The following BDKRB2 variants were observed in gnomAD, a reference collection of about 807,000 sequenced individuals.
The protein encoded by BDKRB2 is B2 bradykinin receptor.
BDKRB2 carries 6 observed loss-of-function variants against 4.0 expected under a neutral mutation model. The observed-to-expected ratio is 1.49, with a 90% confidence interval of 0.81 to 2.93. The LOEUF (loss-of-function observed/expected upper bound fraction) is 2.93. Among genes scored for constraint, BDKRB2 ranks in the 30% most tolerant of loss-of-function variants. The pLI is 0.00. For missense variants in BDKRB2, 478 were observed against 520.1 expected (o/e 0.92, Z 0.79); for synonymous variants, 225 against 215.3 (o/e 1.05, Z -0.40).
chr14:96,241,603 C>T lies in BDKRB2; in HGVS notation c.*99C>T. Reference sequence around the variant, plus strand: ...ATGCCAAGGAGACATCTATGCACGACCTTGGGAAATGAGTTGATGTCTCCG... The same window carrying T: ...ATGCCAAGGAGACATCTATGCACGATCTTGGGAAATGAGTTGATGTCTCCG... On this transcript the variant is annotated 3_prime_UTR_variant, in exon 3 of 3. Transcript: ENST00000554311. 6.9e-7 allele frequency: 1 copy of T among 1,446,442 alleles called. No homozygotes were observed. Among genetic ancestry groups the T allele is most frequent in the Non-Finnish European group, 9.0e-7 (1 of 1,105,890 alleles). The allele number at this position is 1,446,442 out of a possible 1,614,324, so 89.6% of individuals were successfully genotyped here. A position where few individuals can be genotyped will look rare whatever the true frequency, so the allele number is the denominator to read the frequency against.
intron 1 of BDKRB2, among the ~76,000 whole-genome samples, chr14:96,207,734 C>A (rs1469224554): frequency 1.3e-5 from 2 of 151,910 alleles, no homozygotes; most frequent in Non-Finnish European, 2.9e-5. Flanking sequence ...AGTCTCCGTA[C>A]TTTCTGCTCA....
At chr14:96,213,441 A>T (rs1429386283) in intron 1 of BDKRB2, among the ~76,000 whole-genome samples, 1 of 151,792 alleles carries the variant, frequency 6.6e-6, no homozygotes, top group Non-Finnish European at 1.5e-5. Flanking sequence ...ATCAGGAGCC[A>T]TGTGGCAGGA....
At chr14:96,239,400 C>G (rs1885206761) in intron 2 of BDKRB2, 1 of 985,266 alleles carries the variant, frequency 1.0e-6, no homozygotes, top group Non-Finnish European at 1.2e-6. Context: ...TCATGGCTGT[C>G]CAAGCCCCAC....
chr14:96,216,934 C>T lies in BDKRB2; in HGVS notation c.-40+11975C>T, dbSNP rs58613768. On this transcript the variant is annotated intron_variant, in intron 1 of 2. Coordinates refer to ENST00000554311, the MANE Select transcript of BDKRB2 (RefSeq NM_001379692.1). ...AAATGTGTGTCTTGAACCAGAAAGC[C>T]CAAGGAGTGAGGGGCTGTGGCATTG... Among the ~76,000 whole-genome samples the T allele has an allele frequency of 1.5e-3, 226 of 152,234 alleles. 5 individuals carry two copies. In the East Asian group the frequency reaches 0.037, roughly 25 times the overall value.
Position 96,240,794 on chromosome 14 carries a change from T to C in BDKRB2, c.466T>C (p.Tyr156His). 1.3e-6 allele frequency: 2 copies of C among 1,553,864 alleles called. No individual in the cohort carries two copies. The highest frequency in any genetic ancestry group is 1.7e-6 in the Non-Finnish European group (2 of 1,151,170). Residue 156 changes from tyrosine (Y) to histidine (H), a missense_variant, in exon 3 of 3, where the codon TAC becomes CAC. Physicochemically the swap from Tyr to His is moderately conservative, Grantham distance 83. Coordinates refer to ENST00000554311, the MANE Select transcript of BDKRB2 (RefSeq NM_001379692.1). Reference sequence around the variant, plus strand: ...CCTGATGCTGGTGAGCATCGACCGCTACCTGGCCCTGGTGAAAACCATGTC... The same window carrying C: ...CCTGATGCTGGTGAGCATCGACCGCCACCTGGCCCTGGTGAAAACCATGTC... The part of the protein sequence containing the change: ...CFLMLVSIDR[Y>H]LALVKTMSMG...
rs748555729 is a variant in BDKRB2 at position 96,241,287 on chromosome 14, T to C, written c.959T>C (p.Met320Thr). Reference protein sequence around the residue: ...IDVITQIASFMAYSNSCLNPL... With the variant: ...IDVITQIASFTAYSNSCLNPL... ...GTAATCACACAGATCGCCTCCTTCA[T>C]GGCCTACAGCAACAGCTGCCTCAAC... The change falls in exon 3 of 3, where the codon ATG (methionine) becomes ACG (threonine). Residue 320 changes from methionine (M) to threonine (T), a missense_variant. Met to Thr is a moderately conservative substitution (Grantham distance 81). Transcript: ENST00000554311. The C allele has an allele frequency of 1.9e-6, 3 of 1,613,964 alleles. No homozygotes were observed. The highest frequency in any genetic ancestry group is 2.5e-6 in the Non-Finnish European group (3 of 1,179,964).
chr14:96,206,008 G>A (rs4905460), intron 1 of BDKRB2, among the ~76,000 whole-genome samples: 151,704 of 152,238 alleles, frequency 1, 75,585 homozygotes, highest in Middle Eastern at 1. Flanking sequence ...GGCCAACCCC[G>A]CCCCTAATTC....
intron 1 of BDKRB2, among the ~76,000 whole-genome samples, chr14:96,222,094 G>A (rs188022380): frequency 2.0e-5 from 3 of 152,146 alleles, no homozygotes; most frequent in African/African-American, 2.4e-5. Context: ...CCCCCTCCAC[G>A]GGTTCAGTAA....
At chr14:96,228,477 AG>A (rs1483896473) in intron 1 of BDKRB2, among the ~76,000 whole-genome samples, 1 of 152,142 alleles carries the variant, frequency 6.6e-6, no homozygotes, top group African/African-American at 2.4e-5. Flanking sequence ...GGAGCTGGAA[AG>A]GGGATGGAGT....
At chr14:96,239,594 T>C in intron 2 of BDKRB2, 1 of 984,782 alleles carries the variant, frequency 1.0e-6, no homozygotes, top group Non-Finnish European at 1.2e-6. Flanking sequence ...TGTTAATTAC[T>C]AATGTTTATT....
Position 96,237,807 on chromosome 14 carries a change from A to T in BDKRB2, c.74+626A>T, listed in dbSNP as rs925509935. On this transcript the variant is annotated intron_variant, in intron 2 of 2. Transcript: ENST00000554311. Reference sequence around the variant, plus strand: ...GTTTCCAATTCCGCACTCAGCAGGCATCTTTCTGATGATCCGATGGCTTCT... The same window carrying T: ...GTTTCCAATTCCGCACTCAGCAGGCTTCTTTCTGATGATCCGATGGCTTCT... 2.3e-6 allele frequency: 3 copies of T among 1,289,672 alleles called. No individual in the cohort carries two copies. The African/African-American group carries it at 4.6e-5, about 20-fold the overall frequency. The allele number at this position is 1,289,672 out of a possible 1,614,324, so 79.9% of individuals were successfully genotyped here.
At chr14:96,222,284 C>G (rs768205134) in intron 1 of BDKRB2, among the ~76,000 whole-genome samples, 5 of 152,088 alleles carry the variant, frequency 3.3e-5, no homozygotes, top group Non-Finnish European at 5.9e-5. Context: ...CCTGCGTTCA[C>G]CAACTCGGAA....
chr14:96,221,678 G>C (rs1890564616), intron 1 of BDKRB2, among the ~76,000 whole-genome samples: 2 of 152,068 alleles, frequency 1.3e-5, no homozygotes, highest in South Asian at 4.1e-4. Context: ...AAGGGGGCTT[G>C]TGGGGAACCA....
Position 96,241,734 on chromosome 14 carries a change from C to G in BDKRB2, c.*230C>G, listed in dbSNP as rs1425909587. 2 of 555,418 alleles carry G rather than the reference C, an allele frequency of 3.6e-6. No individual in the cohort carries two copies. The highest frequency in any genetic ancestry group is 5.6e-6 in the Non-Finnish European group (2 of 359,576). 34.4% of individuals were successfully genotyped at this position (555,418 alleles called of 1,614,324 possible). ...GCCAAGGACTCCAAAATCACAACAG[C>G]ATTACTGTTCTTATTTGCTGCCACA... On this transcript the variant is annotated 3_prime_UTR_variant, in exon 3 of 3. Transcript: ENST00000554311.
chr14:96,226,328 C>T (rs982606699), intron 1 of BDKRB2, among the ~76,000 whole-genome samples: 5 of 152,164 alleles, frequency 3.3e-5, no homozygotes, highest in Admixed American at 2.6e-4. Flanking sequence ...TGTCTTCCAC[C>T]TGCAATGGAG....
At position 96,226,481 on chromosome 14, in the gene BDKRB2, C is replaced by A. The variant is rs186689534; in HGVS notation, c.-39-10588C>A. Among the ~76,000 whole-genome samples the A allele has an allele frequency of 3.6e-3, 542 of 152,208 alleles. 1 individual carries two copies. Among genetic ancestry groups the A allele is most frequent in the African/African-American group, 0.012 (511 of 41,526 alleles). ...CCAGCCTGACCAACATGGAGAAACC[C>A]CCGTCTCTACTAAAAATACAAAATT... On this transcript the variant is annotated intron_variant, in intron 1 of 2. Transcript: ENST00000554311.
intron 1 of BDKRB2, among the ~76,000 whole-genome samples, chr14:96,215,141 T>G (rs1467211018): frequency 1.3e-5 from 2 of 152,212 alleles, no homozygotes; most frequent in African/African-American, 4.8e-5. Flanking sequence ...CAACCTATGA[T>G]CCCATGCTCA....
At chr14:96,227,019 C>T (rs1044569490) in intron 1 of BDKRB2, among the ~76,000 whole-genome samples, 3 of 152,228 alleles carry the variant, frequency 2.0e-5, no homozygotes, top group Non-Finnish European at 4.4e-5. Flanking sequence ...AAAAGCCACT[C>T]CAGCAAGAGA....
intron 1 of BDKRB2, among the ~76,000 whole-genome samples, chr14:96,211,376 G>A (rs8008168): frequency 0.47 from 71,000 of 152,126 alleles, 17,391 homozygotes; most frequent in East Asian, 0.93. Flanking sequence ...CCCACTGGCC[G>A]GTTAGCAAAG....
Sources: allele counts gnomAD v4.1 joint callset (sites outside exome capture counted in the v4.1 genomes callset), GRCh38; gene constraint gnomAD v4.1.1; transcripts MANE v1.5; gene names NCBI Gene and HGNC (gene_info 2026-07-23, HGNC 2026-07-21).